The following GPAT3 variants were observed in gnomAD, a reference collection of about 807,000 sequenced individuals.
GPAT3 encodes 1-AGP acyltransferase 9.
Under a neutral mutation model 58.8 loss-of-function variants are expected in GPAT3, and 53 were observed. That is an observed-to-expected ratio of 0.90 (90% confidence interval 0.72 to 1.13). The LOEUF is 1.13. Among genes scored for constraint, GPAT3 ranks in the 50% most tolerant of loss-of-function variants. The pLI is 0.00. For synonymous variants in GPAT3, 197 were observed against 187.4 expected (o/e 1.05, Z -0.42); for missense variants, 511 against 527.6 (o/e 0.97, Z 0.31).
chr4:83,559,270 A>T (rs1430913485), intron 2 of GPAT3, among the ~76,000 whole-genome samples: 1 of 152,180 alleles, frequency 6.6e-6, no homozygotes, highest in Admixed American at 6.5e-5. Flanking sequence ...GTTTATAATC[A>T]TGGGACTATC....
chr4:83,588,188 A>G (rs1726457061), intron 4 of GPAT3, 22 bp from the exon 5 acceptor site: 3 of 1,610,874 alleles, frequency 1.9e-6, no homozygotes, highest in Middle Eastern at 1.7e-4. Context: ...ATGGCACAAT[A>G]AAATGTTTCT....
At chr4:83,595,938 G>A (rs557166279) in intron 7 of GPAT3, among the ~76,000 whole-genome samples, 3 of 152,156 alleles carry the variant, frequency 2.0e-5, no homozygotes, top group East Asian at 3.9e-4. Flanking sequence ...TTAGAAAAAC[G>A]ATTCCCTATC....
intron 2 of GPAT3, among the ~76,000 whole-genome samples, chr4:83,563,696 G>A (rs1374611778): frequency 6.6e-6 from 1 of 151,996 alleles, no homozygotes; most frequent in East Asian, 1.9e-4. Context: ...GGCCAGGCTG[G>A]TCTCGAACTC....
At chr4:83,596,798 A>C in intron 7 of GPAT3, 60 bp from the exon 8 acceptor site, 1 of 1,355,206 alleles carries the variant, frequency 7.4e-7, no homozygotes, top group African/African-American at 1.4e-5. Context: ...AGGAATATCA[A>C]AAAGGACATC....
intron 3 of GPAT3, among the ~76,000 whole-genome samples, chr4:83,586,041 T>A (rs1053938042): frequency 8.5e-5 from 13 of 152,206 alleles, no homozygotes; most frequent in Admixed American, 2.0e-4. Context: ...TAGTTAGCCT[T>A]TCTATGCTCC....
At chr4:83,583,285 T>C (rs1726230643) in intron 3 of GPAT3, among the ~76,000 whole-genome samples, 1 of 151,326 alleles carries the variant, frequency 6.6e-6, no homozygotes, top group Non-Finnish European at 1.5e-5. Context: ...AGAGCGAGAC[T>C]GCGTATCCAA....
intron 1 of GPAT3, among the ~76,000 whole-genome samples, chr4:83,542,804 A>G (rs1230876217): frequency 6.6e-6 from 1 of 151,632 alleles, no homozygotes; most frequent in Non-Finnish European, 1.5e-5. Flanking sequence ...TCGAGACCAC[A>G]CTGGACAACA....
chr4:83,571,659 T>C (rs942657386), intron 2 of GPAT3, among the ~76,000 whole-genome samples: 54 of 151,378 alleles, frequency 3.6e-4, no homozygotes, highest in African/African-American at 1.2e-3. Flanking sequence ...TTCCTTATAG[T>C]TTTCCCCCAC....
chr4:83,581,904 C>T, intron 3 of GPAT3, 72 bp downstream of exon 3: 2 of 1,534,298 alleles, frequency 1.3e-6, no homozygotes, highest in Non-Finnish European at 1.8e-6. Flanking sequence ...ACATAATGGC[C>T]ACGTAAGTGT....
In GPAT3 at chr4:83,537,591, A is replaced by ATGTGTGTGTG. The variant is rs113407081; in HGVS notation, c.141+854_141+863dup. On this transcript the variant is annotated intron_variant, in intron 1 of 11. Transcript: ENST00000264409. ...AAAAAAATTTAATTATATGTATAAT[A>ATGTGTGTGTG]TGTGTGTGTGTGTGTGTGTGTGTGT... is the stretch of plus-strand genomic sequence containing the variant. 1.5e-3 allele frequency among the ~76,000 whole-genome samples: 216 copies of ATGTGTGTGTG among 145,270 alleles called. 2 individuals are homozygous for ATGTGTGTGTG. Among genetic ancestry groups the ATGTGTGTGTG allele is most frequent in the Middle Eastern group, 7.1e-3 (2 of 282 alleles).
chr4:83,593,831 C>T (rs1190468954), intron 6 of GPAT3, among the ~76,000 whole-genome samples: 1 of 152,208 alleles, frequency 6.6e-6, no homozygotes, highest in African/African-American at 2.4e-5. Flanking sequence ...ATTGGGTTCA[C>T]TGGCTTCAGT....
chr4:83,597,085 GAA>G (rs1726871583), intron 8 of GPAT3, among the ~76,000 whole-genome samples, 172 bp downstream of exon 8: 1 of 152,174 alleles, frequency 6.6e-6, no homozygotes, highest in South Asian at 2.1e-4. Context: ...AGACTTGATA[GAA>G]GTCATGTTAC....
chr4:83,576,962 AC>A (rs139725778), intron 2 of GPAT3, among the ~76,000 whole-genome samples: 2 of 152,330 alleles, frequency 1.3e-5, no homozygotes, highest in African/African-American at 4.8e-5. Context: ...GAGAAAAAAT[AC>A]TAATGTTACA....
chr4:83,547,028 T>C (rs1724546474), intron 2 of GPAT3, among the ~76,000 whole-genome samples: 1 of 152,106 alleles, frequency 6.6e-6, no homozygotes, highest in East Asian at 1.9e-4. Flanking sequence ...GATGAAACAT[T>C]GAGTACTTGT....
At chr4:83,591,896 T>C (rs1331106241) in intron 6 of GPAT3, among the ~76,000 whole-genome samples, 1 of 152,174 alleles carries the variant, frequency 6.6e-6, no homozygotes, top group Non-Finnish European at 1.5e-5. Context: ...GGAAGTCCAA[T>C]ATCAAGGTGC....
chr4:83,551,526 G>T (rs542541570), intron 2 of GPAT3, among the ~76,000 whole-genome samples: 121 of 152,118 alleles, frequency 8.0e-4, no homozygotes, highest in African/African-American at 2.9e-3. Context: ...GGGCGCAGTG[G>T]CTCATGCCTG....
chr4:83,565,492 T>C (rs1023537578), intron 2 of GPAT3, among the ~76,000 whole-genome samples: 1 of 141,676 alleles, frequency 7.1e-6, no homozygotes, highest in African/African-American at 2.6e-5. Context: ...ATCTTAATTA[T>C]TGATTTTTTT....
At chr4:83,549,581 A>G (rs1342781076) in intron 2 of GPAT3, among the ~76,000 whole-genome samples, 1 of 150,166 alleles carries the variant, frequency 6.7e-6, no homozygotes, top group Non-Finnish European at 1.5e-5. Flanking sequence ...CACCCAGGCT[A>G]GAGTGCAGTG....
intron 2 of GPAT3, among the ~76,000 whole-genome samples, chr4:83,571,044 T>C (rs1382154443): frequency 6.6e-6 from 1 of 152,224 alleles, no homozygotes; most frequent in African/African-American, 2.4e-5. Flanking sequence ...TTTTTGACAT[T>C]TACATAAATG....
Sources: gnomAD v4.1 joint callset for allele counts (sites outside exome capture counted in the v4.1 genomes callset) on GRCh38, gnomAD v4.1.1 for gene constraint, MANE v1.5 for transcripts, NCBI Gene and HGNC (gene_info 2026-07-23, HGNC 2026-07-21) for gene names.